Variants in CORO7 observed in about 807,000 individuals in gnomAD.
CORO7 encodes coronin-7.
A neutral mutation model predicts 126.6 loss-of-function variants in CORO7; 107 were observed. That is an observed-to-expected ratio of 0.85 (90% CI 0.72 to 0.99). The LOEUF (loss-of-function observed/expected upper bound fraction) is 0.99. Among genes scored for constraint, CORO7 ranks in the 50% least tolerant of loss-of-function variants. The probability of loss-of-function intolerance (pLI) is 0.00; values close to 1 mark genes in which losing one functional copy is unlikely to be tolerated. For synonymous variants in CORO7, 603 were observed against 536.8 expected (o/e 1.12, Z -1.70); for missense variants, 1,314 against 1,255.8 (o/e 1.05, Z -0.70).
rs139687568 is a variant in CORO7, at chr16:4,358,303, C to A, written c.2457+64G>T. 1.8e-4 allele frequency: 288 copies of A among 1,575,058 alleles called. 3 individuals carry two copies. The African/African-American group carries it at 3.4e-3, about 19-fold the overall frequency. On this transcript the variant is annotated intron_variant, in intron 24 of 27. Transcript: ENST00000251166. ...AGTTTGGAAGCTGGGTCAGACGGGA[C>A]CCAAACTCCCCTCTAGGCACCGAGA...
At chr16:4,410,335 C>T (rs887974901) in intron 3 of CORO7, among the ~76,000 whole-genome samples, 4 of 151,974 alleles carry the variant, frequency 2.6e-5, no homozygotes, top group Admixed American at 6.6e-5. Flanking sequence ...TGAGGATAGA[C>T]GATCCCTTGA....
Position 4,407,657 on chromosome 16 carries a change from C to G in CORO7, c.331G>C (p.Gly111Arg), listed in dbSNP as rs777487202. 1.9e-6 allele frequency: 3 copies of G among 1,598,164 alleles called. No homozygotes were observed. The highest frequency in any genetic ancestry group is 2.6e-6 in the Non-Finnish European group (3 of 1,174,092). ...TVKLWRLPGPGQALPSAPGVV... is the reference protein window; with the variant it reads ...TVKLWRLPGPRQALPSAPGVV... Reference sequence around the variant, plus strand: ...CCGGGTGCTGAGGGCAGGGCCTGGCCAGGCCCTGGCAGTCGCCAGAGTTTT... The same window carrying G: ...CCGGGTGCTGAGGGCAGGGCCTGGCGAGGCCCTGGCAGTCGCCAGAGTTTT... Residue 111 changes from glycine (G) to arginine (R), a missense_variant, in exon 5 of 28, where the codon GGC (glycine) becomes CGC (arginine). By Grantham distance (125) the Gly-to-Arg change is moderately radical. Transcript: ENST00000251166.
At chr16:4,382,845 G>A in intron 9 of CORO7, 1 of 1,588,700 alleles carries the variant, frequency 6.3e-7, no homozygotes, top group East Asian at 2.3e-5. Context: ...TGCCACTCAT[G>A]GGCTTCCCAG....
intron 7 of CORO7, among the ~76,000 whole-genome samples, chr16:4,390,162 C>T (rs945016780): frequency 5.9e-5 from 9 of 152,300 alleles, no homozygotes; most frequent in Admixed American, 6.5e-5. Flanking sequence ...ATGGGGGAGC[C>T]GCACGGTGTT....
chr16:4,359,829 T>C (rs2054101436), intron 21 of CORO7, among the ~76,000 whole-genome samples: 1 of 151,402 alleles, frequency 6.6e-6, no homozygotes, highest in African/African-American at 2.4e-5. Context: ...CCCATCCATC[T>C]ACCCCTGACT....
rs546814897 is a variant in CORO7, at chr16:4,402,791, G to A, written c.564+2700C>T. Among the ~76,000 whole-genome samples, 160 of 152,328 alleles carry A rather than the reference G, an allele frequency of 1.1e-3. 1 individual carries two copies. Among genetic ancestry groups the A allele is most frequent in the Admixed American group, 3.5e-3 (54 of 15,308 alleles). On this transcript the variant is annotated intron_variant, in intron 6 of 27. Transcript: ENST00000251166. ...CCGGCTCATCAGGCTCAACCATGCC[G>A]GGAGTCAGGAGCGCAGCAGGCCGGA...
At chr16:4,388,701 CTGA>C (rs1341621981) in intron 7 of CORO7, 70 bp from the exon 8 acceptor site, 2 of 1,516,288 alleles carry the variant, frequency 1.3e-6, no homozygotes, top group Admixed American at 4.0e-5. Flanking sequence ...TGGAATGGGC[CTGA>C]GCTGGGGAAC....
chr16:4,364,220 T>C, intron 14 of CORO7, 56 bp downstream of exon 14: 2 of 1,458,042 alleles, frequency 1.4e-6, no homozygotes, highest in East Asian at 5.1e-5. Context: ...CGGTGAACAC[T>C]CAGGGCAGCC....
At chr16:4,405,347 T>G (rs2055958146) in intron 6 of CORO7, 144 bp downstream of exon 6, 2 of 847,116 alleles carry the variant, frequency 2.4e-6, no homozygotes, top group South Asian at 5.0e-5. Flanking sequence ...GAGGAGCAGC[T>G]AGGGGGCAGG....
chr16:4,391,758 C>T (rs774722563), intron 7 of CORO7, among the ~76,000 whole-genome samples: 4 of 152,334 alleles, frequency 2.6e-5, no homozygotes, highest in Middle Eastern at 3.4e-3. Context: ...AGAGAAGAGC[C>T]GTCTCCCCAG....
At chr16:4,397,579 G>A (rs899104792) in intron 6 of CORO7, 4 of 152,100 alleles carry the variant, frequency 2.6e-5, no homozygotes, top group African/African-American at 7.2e-5. Context: ...TGAGCAATAC[G>A]GCAAAGTCCA....
In CORO7 at chr16:4,395,485, C is replaced by T. The variant is rs114195625; in HGVS notation, c.565-146G>A. ...TGCCATCACACACCAGGGCATCCCTCCTCAGCCCTGTTCCTCCTCCTCAGC... is the reference window on the plus strand; with the variant it reads ...TGCCATCACACACCAGGGCATCCCTTCTCAGCCCTGTTCCTCCTCCTCAGC... On this transcript the variant is annotated intron_variant, in intron 6 of 27. Coordinates refer to ENST00000251166, the MANE Select transcript of CORO7 (RefSeq NM_024535.5). 1,754 of 1,023,842 alleles carry T rather than the reference C, an allele frequency of 1.7e-3. 12 individuals are homozygous for T. In the African/African-American group the frequency reaches 0.019, roughly 11 times the overall value. The allele number at this position is 1,023,842 out of a possible 1,614,324, so 63.4% of individuals were successfully genotyped here.
intron 6 of CORO7, among the ~76,000 whole-genome samples, chr16:4,398,883 G>C (rs746016681): frequency 6.6e-6 from 1 of 151,328 alleles, no homozygotes; most frequent in Non-Finnish European, 1.5e-5. Flanking sequence ...CAGGAGAATC[G>C]CATGAACCCA....
At chr16:4,384,735 C>T (rs896979171) in intron 9 of CORO7, among the ~76,000 whole-genome samples, 1 of 152,148 alleles carries the variant, frequency 6.6e-6, no homozygotes, top group Non-Finnish European at 1.5e-5. Context: ...TGGGTGGTGG[C>T]AGTGGGCCTG....
At chr16:4,402,125 G>A (rs1173133918) in intron 6 of CORO7, among the ~76,000 whole-genome samples, 2 of 152,056 alleles carry the variant, frequency 1.3e-5, no homozygotes, top group Non-Finnish European at 2.9e-5. Flanking sequence ...TTTTAGTAGA[G>A]GAGGGGTTTC....
intron 9 of CORO7, among the ~76,000 whole-genome samples, chr16:4,369,105 G>A (rs1051135454): frequency 3.9e-5 from 6 of 152,268 alleles, no homozygotes; most frequent in African/African-American, 1.4e-4. Context: ...CACTGACTCA[G>A]GAGCTGAGGC....
chr16:4,389,012 C>T (rs575941065), intron 7 of CORO7, among the ~76,000 whole-genome samples: 4 of 152,340 alleles, frequency 2.6e-5, no homozygotes, highest in African/African-American at 7.2e-5. Context: ...GGGGATGTCA[C>T]ACTCTGTCAA....
Position 4,359,393 on chromosome 16 carries a change from G to A in CORO7, c.2251-8C>T. 6.2e-7 allele frequency: 1 copy of A among 1,613,660 alleles called. No individual in the cohort carries two copies. The highest frequency in any genetic ancestry group is 8.5e-7 in the Non-Finnish European group (1 of 1,179,964). On this transcript the variant is annotated splice_polypyrimidine_tract_variant and splice_region_variant and intron_variant, in intron 22 of 27. Transcript: ENST00000251166. ...GAATACACGGGTGTCGCCCTGCGGG[G>A]AAGAAGGCAGGCTGGGAACCCTCCG...
At position 4,390,469 on chromosome 16, in the gene CORO7, C is replaced by T. The variant is rs868059340; in HGVS notation, c.616-1838G>A. The stretch of plus-strand genomic sequence containing the variant: ...AGACTGTAAGTGAGGGAAGACCTAG[C>T]GTCATTCCTGCTAGGCTGGGAGGGT... On this transcript the variant is annotated intron_variant, in intron 7 of 27. Transcript: ENST00000251166. Among the ~76,000 whole-genome samples, 5 of 152,150 alleles carry T rather than the reference C, an allele frequency of 3.3e-5. No homozygotes were observed. The South Asian group carries it at 6.2e-4, about 19-fold the overall frequency.
Sources: allele counts gnomAD v4.1 joint callset (sites outside exome capture counted in the v4.1 genomes callset), GRCh38; gene constraint gnomAD v4.1.1; transcripts MANE v1.5; gene names NCBI Gene and HGNC (gene_info 2026-07-23, HGNC 2026-07-21).